Variants in GRID2 observed in about 807,000 individuals in gnomAD.
GRID2 encodes glutamate receptor ionotropic, delta-2.
Under a neutral mutation model 114.8 loss-of-function variants are expected in GRID2, and 33 were observed. That is an observed-to-expected ratio of 0.29 (90% CI 0.22 to 0.38). GRID2 has a LOEUF of 0.38. GRID2 is among the 10% of genes least tolerant of loss of function. The pLI, the probability that GRID2 is intolerant of heterozygous loss-of-function variation, is 1.00. For missense variants in GRID2, 1,184 were observed against 1,257.7 expected (o/e 0.94, Z 0.89); for synonymous variants, 505 against 449.9 (o/e 1.12, Z -1.55).
At chr4:93,297,300 A>G (rs911543762) in intron 8 of GRID2, among the ~76,000 whole-genome samples, 2 of 152,218 alleles carry the variant, frequency 1.3e-5, no homozygotes, top group African/African-American at 2.4e-5. Flanking sequence ...AATTACCGAT[A>G]AGACCTTTTA....
chr4:93,672,277 A>G (rs1365493855), intron 14 of GRID2, among the ~76,000 whole-genome samples: 5 of 151,810 alleles, frequency 3.3e-5, no homozygotes, highest in African/African-American at 1.2e-4. Context: ...CCAAGGGGGA[A>G]CCCCCCCACC....
chr4:93,628,626 T>C (rs766347960), intron 14 of GRID2, among the ~76,000 whole-genome samples: 1 of 152,172 alleles, frequency 6.6e-6, no homozygotes, highest in Non-Finnish European at 1.5e-5. Context: ...GGTTTCATGG[T>C]AAAAGACCAG....
At chr4:92,867,785 A>G (rs1236265826) in intron 2 of GRID2, among the ~76,000 whole-genome samples, 1 of 152,176 alleles carries the variant, frequency 6.6e-6, no homozygotes, top group Non-Finnish European at 1.5e-5. Context: ...CCAGTTAGAT[A>G]TATTGTTGGG....
chr4:92,997,085 A>G (rs992073049), intron 2 of GRID2, among the ~76,000 whole-genome samples: 5 of 152,224 alleles, frequency 3.3e-5, no homozygotes, highest in Non-Finnish European at 7.3e-5. Flanking sequence ...TATCTTTAAA[A>G]TAATATTTCT....
At chr4:93,117,826 A>ACGT (rs1363921743) in intron 4 of GRID2, among the ~76,000 whole-genome samples, 1 of 152,198 alleles carries the variant, frequency 6.6e-6, no homozygotes, top group East Asian at 1.9e-4. Flanking sequence ...GTTGGCCACG[A>ACGT]GTTCAATGTT....
chr4:92,793,339 C>A lies in GRID2; in HGVS notation c.244+203053C>A, dbSNP rs376835080. 2.0e-4 allele frequency among the ~76,000 whole-genome samples: 31 copies of A among 151,710 alleles called. 2 individuals carry two copies. The South Asian group carries it at 6.4e-3, about 31-fold the overall frequency. On this transcript the variant is annotated intron_variant, in intron 2 of 15. Transcript: ENST00000282020. The stretch of plus-strand genomic sequence containing the variant: ...TGGATTTGCTCAACTGGTTAATATA[C>A]TCAATAGCAAAAATAGGTACTTCAG...
At chr4:93,691,531 A>G (rs553042702) in intron 14 of GRID2, among the ~76,000 whole-genome samples, 2 of 152,162 alleles carry the variant, frequency 1.3e-5, no homozygotes, top group South Asian at 4.1e-4. Flanking sequence ...TAGCTTTGTG[A>G]CCTAAAAGTT....
At chr4:92,789,340 T>C (rs1176675329) in intron 2 of GRID2, among the ~76,000 whole-genome samples, 2 of 151,922 alleles carry the variant, frequency 1.3e-5, no homozygotes, top group African/African-American at 4.8e-5. Flanking sequence ...ATCACTGTTT[T>C]CAGGACTCCA....
intron 13 of GRID2, among the ~76,000 whole-genome samples, chr4:93,547,343 G>C (rs756951935): frequency 6.6e-6 from 1 of 152,062 alleles, no homozygotes; most frequent in African/African-American, 2.4e-5. Flanking sequence ...AATATTCCCC[G>C]ATTATATACT....
At chr4:92,806,166 G>GACAC (rs56070810) in intron 2 of GRID2, among the ~76,000 whole-genome samples, 10,348 of 133,242 alleles carry the variant, frequency 0.078, 461 homozygotes, top group African/African-American at 0.11. Flanking sequence ...ATAGGCTATC[G>GACAC]ACACACACAC....
At chr4:92,598,545 A>G (rs1278355104) in intron 2 of GRID2, among the ~76,000 whole-genome samples, 1 of 152,112 alleles carries the variant, frequency 6.6e-6, no homozygotes, top group Non-Finnish European at 1.5e-5. Context: ...AAACATATAT[A>G]TTAAGTTCAT....
chr4:93,547,144 T>C (rs1248075955), intron 13 of GRID2, among the ~76,000 whole-genome samples: 1 of 152,134 alleles, frequency 6.6e-6, no homozygotes, highest in Non-Finnish European at 1.5e-5. Context: ...ATTATATACA[T>C]TTTTCTCTGT....
intron 7 of GRID2, among the ~76,000 whole-genome samples, chr4:93,234,566 TAC>T (rs1435227086): frequency 2.6e-5 from 4 of 151,976 alleles, no homozygotes; most frequent in Admixed American, 6.6e-5. Context: ...TATGTATATA[TAC>T]ACACACGTAA....
intron 14 of GRID2, among the ~76,000 whole-genome samples, chr4:93,665,664 ACATT>A (rs1723887107): frequency 6.6e-6 from 1 of 152,146 alleles, no homozygotes; most frequent in Non-Finnish European, 1.5e-5. Context: ...CTATAAGTTG[ACATT>A]CATTAAGTTG....
chr4:92,489,087 AC>A (rs1182873611), intron 1 of GRID2, among the ~76,000 whole-genome samples: 2 of 152,192 alleles, frequency 1.3e-5, no homozygotes, highest in South Asian at 4.1e-4. Flanking sequence ...AGACATTACT[AC>A]CCACAAAAAT....
intron 8 of GRID2, among the ~76,000 whole-genome samples, chr4:93,252,835 A>T (rs555894098): frequency 2.6e-4 from 40 of 152,152 alleles, no homozygotes; most frequent in Non-Finnish European, 4.4e-4. Context: ...GGCAATTGCA[A>T]ATGGGAGTTC....
At chr4:92,959,308 C>T (rs897549711) in intron 2 of GRID2, among the ~76,000 whole-genome samples, 8 of 151,758 alleles carry the variant, frequency 5.3e-5, no homozygotes, top group Non-Finnish European at 1.0e-4. Context: ...GATCTTTCTT[C>T]GTCTCTATAC....
At chr4:92,733,057 A>C (rs1220203468) in intron 2 of GRID2, among the ~76,000 whole-genome samples, 1 of 151,856 alleles carries the variant, frequency 6.6e-6, no homozygotes, top group Non-Finnish European at 1.5e-5. Context: ...TAAATCAGGA[A>C]ACCCACACTC....
chr4:92,899,394 A>G (rs575571479), intron 2 of GRID2, among the ~76,000 whole-genome samples: 1 of 152,162 alleles, frequency 6.6e-6, no homozygotes, highest in African/African-American at 2.4e-5. Flanking sequence ...CCAACAAGGC[A>G]TATTCTGAGG....
Sources: allele counts gnomAD v4.1 joint callset (sites outside exome capture counted in the v4.1 genomes callset), GRCh38; gene constraint gnomAD v4.1.1; transcripts MANE v1.5; gene names NCBI Gene and HGNC (gene_info 2026-07-23, HGNC 2026-07-21).